TPST1: variants seen among roughly 807,000 people sequenced by gnomAD.
The protein encoded by TPST1 is protein-tyrosine sulfotransferase 1.
TPST1 carries 20 observed loss-of-function variants against 34.8 expected under a neutral mutation model. The ratio of observed to expected loss-of-function variants is 0.57; its 90% CI spans 0.40 to 0.84. The LOEUF (loss-of-function observed/expected upper bound fraction) is 0.84. Among genes scored for constraint, TPST1 ranks in the 40% least tolerant of loss-of-function variants. The pLI, the probability that TPST1 is intolerant of heterozygous loss-of-function variation, is 0.00. For synonymous variants in TPST1, 152 were observed against 159.4 expected (o/e 0.95, Z 0.35); for missense variants, 353 against 455.5 (o/e 0.78, Z 2.05).
chr7:66,337,025 A>G (rs1792134516), intron 3 of TPST1, among the ~76,000 whole-genome samples: 1 of 152,198 alleles, frequency 6.6e-6, no homozygotes, highest in East Asian at 1.9e-4. Flanking sequence ...CTTTATAAAC[A>G]CAAAGGCAAG....
At chr7:66,318,833 T>A (rs1299213882) in intron 3 of TPST1, among the ~76,000 whole-genome samples, 1 of 152,214 alleles carries the variant, frequency 6.6e-6, no homozygotes, top group African/African-American at 2.4e-5. Flanking sequence ...TATTTTTACT[T>A]CACTCTAATT....
chr7:66,227,110 T>G lies in TPST1; in HGVS notation c.-101-13215T>G, dbSNP rs555987473. Among the ~76,000 whole-genome samples the G allele has an allele frequency of 2.3e-5, 3 of 132,862 alleles. No individual in the cohort carries two copies. The South Asian group carries it at 7.7e-4, about 34-fold the overall frequency. 87.2% of individuals were successfully genotyped at this position (132,862 alleles called of 152,430 possible). On this transcript the variant is annotated intron_variant, in intron 1 of 5. Transcript: ENST00000304842. Reference sequence around the variant, plus strand: ...GTGCAGTGGTGCAGTCTCAACTCACTGCAACCTCCGCCTCCTGGGTTCAAG... The same window carrying G: ...GTGCAGTGGTGCAGTCTCAACTCACGGCAACCTCCGCCTCCTGGGTTCAAG...
At chr7:66,330,939 G>A (rs143126986) in intron 3 of TPST1, among the ~76,000 whole-genome samples, 5 of 152,316 alleles carry the variant, frequency 3.3e-5, no homozygotes, top group African/African-American at 1.2e-4. Flanking sequence ...CATAGGTTCT[G>A]TGGTTCAGGA....
intron 3 of TPST1, among the ~76,000 whole-genome samples, chr7:66,299,091 A>G (rs1208710814): frequency 2.7e-5 from 4 of 150,888 alleles, no homozygotes. Flanking sequence ...ACTCCACTGC[A>G]CTCCAGCCTG....
chr7:66,302,103 T>G (rs998653364), intron 3 of TPST1, among the ~76,000 whole-genome samples: 1 of 152,234 alleles, frequency 6.6e-6, no homozygotes, highest in Non-Finnish European at 1.5e-5. Flanking sequence ...TTTGTTTTAT[T>G]TTTGTTAAAG....
chr7:66,297,609 G>A (rs1308650661), intron 3 of TPST1, among the ~76,000 whole-genome samples: 1 of 152,208 alleles, frequency 6.6e-6, no homozygotes, highest in African/African-American at 2.4e-5. Context: ...ATAGTACTGA[G>A]GAAGAGCAAG....
intron 3 of TPST1, among the ~76,000 whole-genome samples, chr7:66,347,854 G>A (rs1792387125): frequency 6.6e-6 from 1 of 152,042 alleles, no homozygotes; most frequent in South Asian, 2.1e-4. Flanking sequence ...GAATTTATTA[G>A]TTCTAATAGT....
rs72110892 is a variant in TPST1, at chr7:66,304,821, C to CTT, written c.1044+18124_1044+18125dup. On this transcript the variant is annotated intron_variant, in intron 3 of 5. Transcript: ENST00000304842. ...ACTGAGATACAGAGTTAGCCATTTC[C>CTT]TTTTTTTTTTTTTCTTGGCAAGGTC... 2.5e-3 allele frequency among the ~76,000 whole-genome samples: 365 copies of CTT among 146,620 alleles called. 3 individuals are homozygous for CTT. The highest frequency in any genetic ancestry group is 8.6e-3 in the African/African-American group (344 of 39,848).
intron 2 of TPST1, among the ~76,000 whole-genome samples, chr7:66,261,724 T>G (rs1562819785): frequency 1.3e-5 from 2 of 152,238 alleles, no homozygotes; most frequent in Non-Finnish European, 2.9e-5. Context: ...TACCACTTAC[T>G]GACTGTGGGA....
At position 66,240,819 on chromosome 7, in the gene TPST1, G is replaced by T; in HGVS notation, c.394G>T (p.Glu132Ter). 6.2e-7 allele frequency: 1 copy of T among 1,614,208 alleles called. No individual in the cohort carries two copies. The highest frequency in any genetic ancestry group is 8.5e-7 in the Non-Finnish European group (1 of 1,180,032). The change falls in exon 2 of 6, where the codon GAA (glutamate) becomes TAA (stop). Residue 132 changes from glutamate (E) to a stop codon, truncating the protein, a stop_gained. Transcript: ENST00000304842. LOFTEE classifies it high-confidence loss of function. ...IRLDEAGVTD[E>*]VLDSAMQAFL... is the part of the protein sequence containing the mutation. ...CCTGGATGAGGCTGGTGTTACTGAT[G>T]AAGTGCTGGATTCTGCCATGCAAGC...
At chr7:66,356,541 C>A (rs1792586456) in intron 4 of TPST1, among the ~76,000 whole-genome samples, 1 of 152,218 alleles carries the variant, frequency 6.6e-6, no homozygotes, top group South Asian at 2.1e-4. Flanking sequence ...TGGTGAGCAG[C>A]CCCATCCTGA....
chr7:66,355,524 A>G (rs1172773633), intron 4 of TPST1, among the ~76,000 whole-genome samples: 1 of 151,934 alleles, frequency 6.6e-6, no homozygotes, highest in African/African-American at 2.4e-5. Context: ...TGTGGAATAT[A>G]GATCATCATC....
intron 2 of TPST1, among the ~76,000 whole-genome samples, chr7:66,264,344 C>G (rs1790548641): frequency 6.6e-6 from 1 of 152,192 alleles, no homozygotes; most frequent in Non-Finnish European, 1.5e-5. Flanking sequence ...AGGCCACATG[C>G]TTGGCAAGGA....
chr7:66,301,922 T>C (rs1791326319), intron 3 of TPST1, among the ~76,000 whole-genome samples: 1 of 152,168 alleles, frequency 6.6e-6, no homozygotes, highest in Non-Finnish European at 1.5e-5. Flanking sequence ...ACAGACTTGC[T>C]CACCACAGGA....
At position 66,332,615 on chromosome 7, in the gene TPST1, T is replaced by C. The variant is rs1375300799; in HGVS notation, c.1045-19890T>C. On this transcript the variant is annotated intron_variant, in intron 3 of 5. Coordinates refer to ENST00000304842, the MANE Select transcript of TPST1 (RefSeq NM_003596.4). This position sits in a 1 kb window ranked among gnomAD's most constrained non-coding sequence, Gnocchi z 4.5. ...TGAATTGTTACTATAGTCAGCCCTT[T>C]GTATCTGTGGTTTCCACATCCATAG... 2.0e-5 allele frequency among the ~76,000 whole-genome samples: 3 copies of C among 152,142 alleles called. No individual in the cohort carries two copies. The highest frequency in any genetic ancestry group is 7.2e-5 in the African/African-American group (3 of 41,424).
intron 3 of TPST1, among the ~76,000 whole-genome samples, chr7:66,294,817 G>A (rs1049288102): frequency 6.6e-6 from 1 of 151,704 alleles, no homozygotes; most frequent in African/African-American, 2.4e-5. Flanking sequence ...GTAAGATTAC[G>A]TATATCATCT....
At chr7:66,234,510 G>A (rs73142265) in intron 1 of TPST1, among the ~76,000 whole-genome samples, 31,071 of 151,422 alleles carry the variant, frequency 0.21, 3,732 homozygotes, top group East Asian at 0.36. Context: ...GTTATTGGTC[G>A]TTTGGGTTTT....
chr7:66,289,090 C>T (rs2115955141), intron 3 of TPST1, among the ~76,000 whole-genome samples: 1 of 30,692 alleles, frequency 3.3e-5, no homozygotes, highest in Non-Finnish European at 5.7e-5. Flanking sequence ...TGTCAAAGGC[C>T]TTTTCTGCAT....
At chr7:66,343,075 T>C (rs1362246182) in intron 3 of TPST1, among the ~76,000 whole-genome samples, 2 of 152,064 alleles carry the variant, frequency 1.3e-5, no homozygotes, top group Non-Finnish European at 2.9e-5. Context: ...GAACTAATTA[T>C]GTGATTATAA....
Sources: allele counts gnomAD v4.1 joint callset (sites outside exome capture counted in the v4.1 genomes callset), GRCh38; gene constraint gnomAD v4.1.1; non-coding constraint Gnocchi (gnomAD v3.1); transcripts MANE v1.5; gene names NCBI Gene and HGNC (gene_info 2026-07-23, HGNC 2026-07-21).